Variants in PUM1 observed in about 807,000 individuals in gnomAD.
PUM1 encodes the protein pumilio RNA binding family member 1.
PUM1 carries 13 observed loss-of-function variants against 131.8 expected under a neutral mutation model. The observed-to-expected ratio is 0.10, with a 90% CI of 0.06 to 0.16. The LOEUF is 0.16. Among genes scored for constraint, PUM1 ranks in the 10% least tolerant of loss-of-function variants. The pLI, the probability that PUM1 is intolerant of heterozygous loss-of-function variation, is 1.00. For missense variants in PUM1, 961 were observed against 1,512.4 expected, an observed-to-expected ratio of 0.64 and a Z score of 6.05; for synonymous variants, 509 against 556.5, an observed-to-expected ratio of 0.91 and a Z score of 1.20.
chr1:30,991,194 C>T (rs2124484217), intron 7 of PUM1, among the ~76,000 whole-genome samples: 1 of 151,918 alleles, frequency 6.6e-6, no homozygotes, highest in East Asian at 1.9e-4. Flanking sequence ...CAAAAATGGC[C>T]ATAAAGAGAA....
intron 2 of PUM1, among the ~76,000 whole-genome samples, chr1:31,038,984 A>ATATATATATATATATATATTT: frequency 2.2e-4 from 11 of 49,414 alleles, no homozygotes; most frequent in South Asian, 8.2e-4. Flanking sequence ...ATATATATAT[A>ATATATATATATATATATATTT]TTTTTTTTTT....
intron 3 of PUM1, among the ~76,000 whole-genome samples, chr1:31,014,205 G>A (rs1220097499): frequency 6.6e-6 from 1 of 151,546 alleles, no homozygotes; most frequent in Non-Finnish European, 1.5e-5. Flanking sequence ...GCTGACCTAG[G>A]TGGGAGGATC....
At chr1:31,005,651 A>AAT (rs1642373840) in intron 5 of PUM1, among the ~76,000 whole-genome samples, 1 of 152,214 alleles carries the variant, frequency 6.6e-6, no homozygotes, top group Non-Finnish European at 1.5e-5. Flanking sequence ...TTATTACTTT[A>AAT]GTTTTTAAAA....
At chr1:30,972,272 GGA>G (rs1640907411) in intron 10 of PUM1, among the ~76,000 whole-genome samples, 1 of 794 alleles carries the variant, frequency 1.3e-3, no homozygotes, top group Non-Finnish European at 2.0e-3. Context: ...AGAAAAGAAG[GGA>G]AGGGAAGGGA....
intron 12 of PUM1, 173 bp downstream of exon 12, chr1:30,966,994 A>G (rs370882041): frequency 1.3e-6 from 1 of 748,474 alleles, no homozygotes. Context: ...CCCCCCAACA[A>G]AAAGGAGAAT....
Position 30,933,020 on chromosome 1 carries a change from T to C in PUM1, c.*191A>G. 7 of 606,688 alleles carry C rather than the reference T, an allele frequency of 1.2e-5. No homozygotes were observed. Among genetic ancestry groups the C allele is most frequent in the East Asian group, 3.3e-5 (1 of 30,742 alleles). 37.6% of individuals were successfully genotyped at this position (606,688 alleles called of 1,614,324 possible). On this transcript the variant is annotated 3_prime_UTR_variant, in exon 22 of 22. Transcript: ENST00000426105. ...CAATTAAAAAAAATAGTACATGTTA[T>C]GTGTAATAAAATTAAATTTACAAAG...
Position 30,984,292 on chromosome 1 carries a change from G to A in PUM1, c.1159-2887C>T, listed in dbSNP as rs530627586. 7.9e-5 allele frequency among the ~76,000 whole-genome samples: 12 copies of A among 152,276 alleles called. No individual in the cohort carries two copies. In the South Asian group the frequency reaches 2.3e-3, roughly 29 times the overall value. On this transcript the variant is annotated intron_variant, in intron 7 of 21. Transcript: ENST00000426105. ...GGCACATTCTCTTTATGTAAATGGT[G>A]CAATATTAACTGGAAATACAGAGTA...
At chr1:30,994,535 C>CAT (rs2124489309) in intron 6 of PUM1, among the ~76,000 whole-genome samples, 1 of 152,304 alleles carries the variant, frequency 6.6e-6, no homozygotes, top group South Asian at 2.1e-4. Flanking sequence ...AAGAACAAAT[C>CAT]ATTTAAGCTG....
At chr1:31,020,166 T>C (rs1387550709) in intron 3 of PUM1, among the ~76,000 whole-genome samples, 1 of 152,206 alleles carries the variant, frequency 6.6e-6, no homozygotes, top group East Asian at 1.9e-4. Flanking sequence ...CATGTGGTAT[T>C]TGGATTTCTG....
chr1:31,008,273 C>T (rs1436759873), intron 3 of PUM1, among the ~76,000 whole-genome samples: 1 of 152,134 alleles, frequency 6.6e-6, no homozygotes, highest in African/African-American at 2.4e-5. Flanking sequence ...GCATAATTTT[C>T]ATCTACCTTT....
intron 1 of PUM1, among the ~76,000 whole-genome samples, chr1:31,063,972 C>T (rs547893718): frequency 6.6e-6 from 1 of 152,266 alleles, no homozygotes; most frequent in African/African-American, 2.4e-5. Flanking sequence ...CAGAAAAGCT[C>T]ACTAATACGT....
chr1:30,958,652 C>T (rs1640272733), intron 14 of PUM1, among the ~76,000 whole-genome samples: 1 of 152,166 alleles, frequency 6.6e-6, no homozygotes, highest in Non-Finnish European at 1.5e-5. Context: ...CTCATATCCA[C>T]ATCCCTTACT....
At chr1:30,940,952 T>C (rs957933923) in intron 20 of PUM1, among the ~76,000 whole-genome samples, 199 bp downstream of exon 20, 1 of 152,206 alleles carries the variant, frequency 6.6e-6, no homozygotes, top group African/African-American at 2.4e-5. Flanking sequence ...GATTTCAAAG[T>C]GGCTGACTCT....
At chr1:31,028,657 C>T in intron 3 of PUM1, 139 bp downstream of exon 3, 1 of 777,264 alleles carries the variant, frequency 1.3e-6, no homozygotes, top group East Asian at 2.5e-5. Context: ...TCTCCAGCAT[C>T]CCGTTCCTAT....
intron 3 of PUM1, among the ~76,000 whole-genome samples, chr1:31,019,661 C>G (rs6425695): frequency 0.1 from 15,529 of 152,234 alleles, 1,075 homozygotes; most frequent in East Asian, 0.24. Flanking sequence ...CCTTCTGAAT[C>G]TGAAAGTAAA....
At chr1:30,966,595 C>CTA (rs1640628627) in intron 12 of PUM1, among the ~76,000 whole-genome samples, 2 of 152,136 alleles carry the variant, frequency 1.3e-5, no homozygotes, top group African/African-American at 4.8e-5. Context: ...CCATAAATAT[C>CTA]TATGTTGAGG....
Position 30,981,315 on chromosome 1 carries a change from T to G in PUM1, c.1249A>C (p.Ile417Leu). The G allele has an allele frequency of 1.3e-6, 2 of 1,589,238 alleles. No homozygotes were observed. The highest frequency in any genetic ancestry group is 1.1e-5 in the South Asian group (1 of 87,650). The part of the protein sequence containing the change: ...YALAAAHQPH[I>L]GLAPAAFVPN... ...AGCTATGGGCTTAAGGACTTACCGA[T>G]GTGCGGCTGATGAGCAGCTGCCAGT... is the stretch of plus-strand genomic sequence containing the variant. The change falls in exon 8 of 22, where the codon ATC becomes CTC. Residue 417 changes from isoleucine (I) to leucine (L), a missense_variant. Around this residue, in one of 4 missense-constraint regions of PUM1, gnomAD observed 654 missense variants for 923.9 expected, o/e 0.71. Transcript: ENST00000426105.
At chr1:30,982,208 C>T (rs1287739603) in intron 7 of PUM1, 1 of 152,216 alleles carries the variant, frequency 6.6e-6, no homozygotes, top group African/African-American at 2.4e-5. Flanking sequence ...CTTAACAACA[C>T]TAAGAATGTC....
At chr1:30,935,727 T>A (rs562143415) in intron 21 of PUM1, 1 of 447,598 alleles carries the variant, frequency 2.2e-6, no homozygotes, top group Non-Finnish European at 4.5e-6. Context: ...AGATTCTCAT[T>A]ACCGAACTTT....
Sources: allele counts gnomAD v4.1 joint callset (sites outside exome capture counted in the v4.1 genomes callset), GRCh38; gene constraint gnomAD v4.1.1; regional missense constraint gnomAD v4.1.1; transcripts MANE v1.5; gene names NCBI Gene and HGNC (gene_info 2026-07-23, HGNC 2026-07-21).